The following ROBO1 variants were observed in gnomAD, a reference collection of about 807,000 sequenced individuals.
The protein encoded by ROBO1 is roundabout guidance receptor 1.
ROBO1 carries 149 observed loss-of-function variants against 195.9 expected under a neutral mutation model. The observed-to-expected ratio is 0.76, with a 90% CI of 0.67 to 0.87. ROBO1 has a LOEUF of 0.87. Among genes scored for constraint, ROBO1 ranks in the 40% least tolerant of loss-of-function variants. The pLI is 0.00. For synonymous variants in ROBO1, 816 were observed against 733.2 expected, an observed-to-expected ratio of 1.11 and a Z score of -1.82; for missense variants, 1,933 against 2,068.3, an observed-to-expected ratio of 0.93 and a Z score of 1.27.
intron 2 of ROBO1, among the ~76,000 whole-genome samples, chr3:79,331,503 T>C (rs567154418): frequency 6.6e-6 from 1 of 152,312 alleles, no homozygotes; most frequent in Admixed American, 6.5e-5. Context: ...TTTTAAAAAA[T>C]AAGTGTTTAT....
rs149776430 is a variant in ROBO1 at position 78,711,374 on chromosome 3, C to T, written c.1045+3023G>A. ...TCCTTCCTTCCTTCCTTCCTTCCTT[C>T]CTTCCTTCCTTCCTTCCTTCCTTCC... On this transcript the variant is annotated intron_variant, in intron 8 of 30. Transcript: ENST00000464233. 6.6e-3 allele frequency among the ~76,000 whole-genome samples: 194 copies of T among 29,540 alleles called. 4 individuals are homozygous for T. Among genetic ancestry groups the T allele is most frequent in the Middle Eastern group, 0.038 (2 of 52 alleles). The allele number at this position is 29,540 out of a possible 152,430, so 19.4% of individuals were successfully genotyped here.
intron 2 of ROBO1, among the ~76,000 whole-genome samples, chr3:79,346,771 C>T (rs542143029): frequency 6.6e-4 from 100 of 151,892 alleles, no homozygotes; most frequent in African/African-American, 2.2e-3. Flanking sequence ...CATCAAAGGA[C>T]GTCATTTTTA....
chr3:78,853,879 T>A (rs1201487080), intron 4 of ROBO1, among the ~76,000 whole-genome samples: 2 of 151,966 alleles, frequency 1.3e-5, no homozygotes, highest in African/African-American at 4.8e-5. Flanking sequence ...TTTCCCCATA[T>A]AAAACCATCA....
intron 2 of ROBO1, among the ~76,000 whole-genome samples, chr3:79,235,316 G>A (rs324750): frequency 5.3e-5 from 8 of 152,056 alleles, no homozygotes; most frequent in Admixed American, 2.6e-4. Flanking sequence ...TGCATTTGGG[G>A]AGTGATATTG....
chr3:79,670,790 T>C (rs1946610326), intron 1 of ROBO1, among the ~76,000 whole-genome samples: 1 of 151,790 alleles, frequency 6.6e-6, no homozygotes, highest in Non-Finnish European at 1.5e-5. Flanking sequence ...AAAGAAGAGA[T>C]AAACAGGCTC....
intron 1 of ROBO1, among the ~76,000 whole-genome samples, chr3:79,595,589 C>A (rs774300598): frequency 4.6e-5 from 7 of 151,648 alleles, no homozygotes; most frequent in Non-Finnish European, 7.4e-5. Context: ...AGAAAAAGTG[C>A]TCTGCAAAAC....
Position 79,148,262 on chromosome 3 carries a change from C to T in ROBO1, c.89-22723G>A, listed in dbSNP as rs190981035. ...TTTCAAACAGCACCACGATGGTAAACGGGATTCACAGTAAGAATGAGAAGA... is the reference window on the plus strand; with the variant it reads ...TTTCAAACAGCACCACGATGGTAAATGGGATTCACAGTAAGAATGAGAAGA... On this transcript the variant is annotated intron_variant, in intron 2 of 30. Coordinates refer to ENST00000464233, the MANE Select transcript of ROBO1 (RefSeq NM_002941.4). 5.5e-3 allele frequency among the ~76,000 whole-genome samples: 835 copies of T among 151,768 alleles called. 2 individuals carry two copies. Among genetic ancestry groups the T allele is most frequent in the Non-Finnish European group, 9.9e-3 (672 of 67,872 alleles).
At chr3:79,234,052 A>G (rs899395086) in intron 2 of ROBO1, among the ~76,000 whole-genome samples, 3 of 151,670 alleles carry the variant, frequency 2.0e-5, no homozygotes, top group African/African-American at 7.3e-5. Context: ...TGCTTATTCA[A>G]TTGTTTAAGT....
At chr3:79,643,062 C>A (rs1021633704) in intron 1 of ROBO1, among the ~76,000 whole-genome samples, 6 of 151,988 alleles carry the variant, frequency 3.9e-5, no homozygotes, top group Non-Finnish European at 8.8e-5. Context: ...ACTATGTGGG[C>A]ATCATCTAAT....
At chr3:79,291,725 T>A (rs1040029753) in intron 2 of ROBO1, among the ~76,000 whole-genome samples, 6 of 152,202 alleles carry the variant, frequency 3.9e-5, no homozygotes, top group Admixed American at 3.9e-4. Flanking sequence ...TGGTTACTTT[T>A]GGGCACACTA....
chr3:78,948,084 T>C (rs1050049092), intron 3 of ROBO1, among the ~76,000 whole-genome samples: 10 of 152,138 alleles, frequency 6.6e-5, no homozygotes, highest in African/African-American at 9.7e-5. Context: ...AGTCGAATTC[T>C]ACCAGAGGTA....
At chr3:79,286,164 G>A (rs932021367) in intron 2 of ROBO1, among the ~76,000 whole-genome samples, 2 of 152,166 alleles carry the variant, frequency 1.3e-5, no homozygotes, top group Non-Finnish European at 2.9e-5. Flanking sequence ...GTTAATGAAT[G>A]TATCAGATGT....
intron 2 of ROBO1, among the ~76,000 whole-genome samples, chr3:79,214,827 T>TATATA (rs3057982): frequency 1.9e-3 from 226 of 116,000 alleles, no homozygotes; most frequent in Middle Eastern, 4.4e-3. Context: ...TATATATATA[T>TATATA]TTTTTTTTTT....
intron 4 of ROBO1, 46 bp from the exon 5 acceptor site, chr3:78,746,946 A>T (rs773824648): frequency 7.7e-7 from 1 of 1,305,840 alleles, no homozygotes; most frequent in Middle Eastern, 2.0e-4. Flanking sequence ...TGATAGATAC[A>T]GTCCTAATCT....
chr3:79,368,019 G>A (rs1468769422), intron 2 of ROBO1, among the ~76,000 whole-genome samples: 1 of 152,120 alleles, frequency 6.6e-6, no homozygotes, highest in Non-Finnish European at 1.5e-5. Context: ...TCCGCTCACT[G>A]CAACCTCCGC....
At chr3:79,094,431 G>A (rs564769291) in intron 3 of ROBO1, among the ~76,000 whole-genome samples, 48 of 152,158 alleles carry the variant, frequency 3.2e-4, no homozygotes, top group African/African-American at 1.0e-3. Flanking sequence ...AGTACTGCAT[G>A]GACATCCTTT....
chr3:79,510,723 G>T (rs934839555), intron 2 of ROBO1, among the ~76,000 whole-genome samples: 1 of 152,046 alleles, frequency 6.6e-6, no homozygotes, highest in Admixed American at 6.6e-5. Context: ...ATGCGACAGA[G>T]AAGTCTTGAA....
At chr3:79,349,863 G>T (rs1362501340) in intron 2 of ROBO1, among the ~76,000 whole-genome samples, 1 of 152,050 alleles carries the variant, frequency 6.6e-6, no homozygotes, top group Non-Finnish European at 1.5e-5. Flanking sequence ...GAAACAAACA[G>T]TTGAATCTAT....
intron 2 of ROBO1, among the ~76,000 whole-genome samples, chr3:79,504,897 T>C (rs1207067996): frequency 6.6e-6 from 1 of 152,106 alleles, no homozygotes; most frequent in Non-Finnish European, 1.5e-5. Flanking sequence ...GCGGAGATAC[T>C]TAGTAGAGCA....
Sources: allele counts gnomAD v4.1 joint callset (sites outside exome capture counted in the v4.1 genomes callset), GRCh38; gene constraint gnomAD v4.1.1; transcripts MANE v1.5; gene names NCBI Gene and HGNC (gene_info 2026-07-23, HGNC 2026-07-21).